Variants in SORCS2 observed in about 807,000 individuals in gnomAD.
SORCS2 encodes VPS10 domain-containing receptor SorCS2.
A neutral mutation model predicts 141.6 loss-of-function variants in SORCS2; 100 were observed. The ratio of observed to expected loss-of-function variants is 0.71; its 90% CI spans 0.60 to 0.83. The LOEUF is 0.83. Among genes scored for constraint, SORCS2 ranks in the 40% least tolerant of loss-of-function variants. SORCS2 has a pLI of 0.00. For synonymous variants in SORCS2, 789 were observed against 676.9 expected (o/e 1.17, Z -2.57); for missense variants, 1,646 against 1,560.2 (o/e 1.05, Z -0.93).
intron 1 of SORCS2, among the ~76,000 whole-genome samples, chr4:7,328,182 T>C (rs1205501187): frequency 2.0e-5 from 3 of 149,096 alleles, no homozygotes; most frequent in African/African-American, 5.0e-5. Context: ...CCCACCACCA[T>C]GCCTGGCTAA....
intron 1 of SORCS2, among the ~76,000 whole-genome samples, chr4:7,373,478 ATTTTTTTTTTTTTT>A (rs71173496): frequency 5.4e-5 from 2 of 36,824 alleles, no homozygotes; most frequent in Non-Finnish European, 8.3e-5. Flanking sequence ...ATATATATAT[ATTTTTTTTTTTTTT>A]TTTTTTTTTT....
chr4:7,559,045 T>C (rs1296932679), intron 3 of SORCS2, among the ~76,000 whole-genome samples: 1 of 152,202 alleles, frequency 6.6e-6, no homozygotes, highest in East Asian at 1.9e-4. Context: ...ACTCGCTTCC[T>C]CTGCATCATT....
At chr4:7,735,051 G>T (rs990991492) in intron 25 of SORCS2, among the ~76,000 whole-genome samples, 1 of 152,228 alleles carries the variant, frequency 6.6e-6, no homozygotes. Context: ...TGGCCACCCT[G>T]CAGGGGCTGG....
At position 7,723,761 on chromosome 4, in the gene SORCS2, A is replaced by G. The variant is rs1726764707; in HGVS notation, c.2489A>G (p.Asn830Ser). 6.2e-7 allele frequency: 1 copy of G among 1,613,924 alleles called. No individual in the cohort carries two copies. The highest frequency in any genetic ancestry group is 8.5e-7 in the Non-Finnish European group (1 of 1,179,870). Residue 830 changes from asparagine to serine, a missense_variant, in exon 19 of 27, where the codon AAC becomes AGC. Physicochemically the swap from Asn to Ser is conservative, Grantham distance 46. Coordinates refer to ENST00000507866, the MANE Select transcript of SORCS2 (RefSeq NM_020777.3). The part of the protein sequence containing the change: ...LGDGFKAMYV[N>S]LTLTGEPIRH... ...GACGGCTTCAAGGCCATGTACGTGA[A>G]CCTTACACTGACCGGGGAGCCCATC... is the stretch of plus-strand genomic sequence containing the variant.
At chr4:7,219,103 C>T (rs1201867953) in intron 1 of SORCS2, among the ~76,000 whole-genome samples, 1 of 151,986 alleles carries the variant, frequency 6.6e-6, no homozygotes, top group African/African-American at 2.4e-5. Context: ...TCTGCACCAC[C>T]TATGCCTCCT....
intron 1 of SORCS2, among the ~76,000 whole-genome samples, chr4:7,232,633 G>A (rs1711977428): frequency 6.6e-6 from 1 of 152,344 alleles, no homozygotes; most frequent in Middle Eastern, 3.4e-3. Context: ...CTGGGGCTTT[G>A]CATAATGTGG....
At chr4:7,689,782 A>G (rs1000617936) in intron 11 of SORCS2, among the ~76,000 whole-genome samples, 194 bp downstream of exon 11, 2 of 152,264 alleles carry the variant, frequency 1.3e-5, no homozygotes, top group Non-Finnish European at 2.9e-5. Context: ...CAGGGTGGGC[A>G]TATGGTATGT....
intron 2 of SORCS2, among the ~76,000 whole-genome samples, chr4:7,443,681 T>C (rs1043780948): frequency 6.6e-6 from 1 of 152,222 alleles, no homozygotes; most frequent in African/African-American, 2.4e-5. Context: ...CTCAGGACTT[T>C]GGGGCCTTGA....
At chr4:7,407,481 G>T (rs1262482431) in intron 2 of SORCS2, among the ~76,000 whole-genome samples, 1 of 151,924 alleles carries the variant, frequency 6.6e-6, no homozygotes, top group Non-Finnish European at 1.5e-5. Context: ...CTATTTCATT[G>T]GCTATAAATA....
At chr4:7,639,787 G>T (rs985633210) in intron 4 of SORCS2, among the ~76,000 whole-genome samples, 1 of 151,600 alleles carries the variant, frequency 6.6e-6, no homozygotes, top group African/African-American at 2.4e-5. Context: ...GTGTGTGTGG[G>T]TATGTATGGG....
intron 2 of SORCS2, among the ~76,000 whole-genome samples, chr4:7,472,601 C>T (rs921809891): frequency 1.3e-5 from 2 of 152,164 alleles, no homozygotes; most frequent in African/African-American, 4.8e-5. Context: ...CTCCTGCCCC[C>T]TGCCGAATGT....
intron 2 of SORCS2, among the ~76,000 whole-genome samples, chr4:7,447,512 C>A (rs1728074674): frequency 6.6e-6 from 1 of 152,204 alleles, no homozygotes; most frequent in African/African-American, 2.4e-5. Context: ...CCAGTATGTG[C>A]ACTTGGATCA....
At chr4:7,543,842 ACTCATCCG>A (rs1164434442) in intron 3 of SORCS2, among the ~76,000 whole-genome samples, 1 of 93,900 alleles carries the variant, frequency 1.1e-5, no homozygotes, top group African/African-American at 4.2e-5. Flanking sequence ...CCATCCATCC[ACTCATCCG>A]TCCATCCATC....
chr4:7,330,408 G>A (rs896697331), intron 1 of SORCS2, among the ~76,000 whole-genome samples: 2 of 151,868 alleles, frequency 1.3e-5, no homozygotes, highest in Non-Finnish European at 2.9e-5. Flanking sequence ...AGGTGCCTGC[G>A]CCCTCTCTGG....
intron 1 of SORCS2, among the ~76,000 whole-genome samples, chr4:7,390,486 G>A (rs1723785343): frequency 6.6e-6 from 1 of 152,212 alleles, no homozygotes; most frequent in Admixed American, 6.5e-5. Flanking sequence ...AAGCTTGGGG[G>A]AACTGGGCGC....
intron 14 of SORCS2, among the ~76,000 whole-genome samples, chr4:7,710,982 T>C (rs1443008649): frequency 6.6e-6 from 1 of 152,152 alleles, no homozygotes; most frequent in Non-Finnish European, 1.5e-5. Flanking sequence ...CTGGCTGGAA[T>C]GAGGCCTGGC....
At chr4:7,695,300 GTGAGTGAA>G (rs1724531657) in intron 11 of SORCS2, among the ~76,000 whole-genome samples, 5 of 38,556 alleles carry the variant, frequency 1.3e-4, no homozygotes, top group Admixed American at 2.9e-4. Context: ...GGTTGGATGG[GTGAGTGAA>G]TGGGTGGGTG....
Position 7,528,878 on chromosome 4 carries a change from C to G in SORCS2, c.549-2652C>G, listed in dbSNP as rs181705342. Among the ~76,000 whole-genome samples, 206 of 152,304 alleles carry G rather than the reference C, an allele frequency of 1.4e-3. 2 individuals are homozygous for G. The highest frequency in any genetic ancestry group is 4.6e-3 in the African/African-American group (191 of 41,562). On this transcript the variant is annotated intron_variant, in intron 2 of 26. Transcript: ENST00000507866. The stretch of plus-strand genomic sequence containing the variant: ...AGAGGCTCTGAGGGAGCCTCTGCCC[C>G]CTGCCTCTCTCCCAGCATCCGGTGG...
chr4:7,662,005 T>C (rs956708259), intron 6 of SORCS2, among the ~76,000 whole-genome samples: 1 of 151,992 alleles, frequency 6.6e-6, no homozygotes, highest in Non-Finnish European at 1.5e-5. Flanking sequence ...CTGTGCAGGA[T>C]CACCTGAGCC....
Sources: allele counts gnomAD v4.1 joint callset (sites outside exome capture counted in the v4.1 genomes callset), GRCh38; gene constraint gnomAD v4.1.1; transcripts MANE v1.5; gene names NCBI Gene and HGNC (gene_info 2026-07-23, HGNC 2026-07-21).